Variants in FMN1 observed in about 807,000 individuals in gnomAD.
The protein encoded by FMN1 is formin 1.
FMN1 carries 110 observed loss-of-function variants against 132.4 expected under a neutral mutation model. The observed-to-expected ratio is 0.83, with a 90% CI of 0.71 to 0.97. The LOEUF (loss-of-function observed/expected upper bound fraction) is 0.97, where lower values mean the gene tolerates loss of function less well. Ranked by LOEUF, FMN1 falls within the 50% of genes least tolerant of loss-of-function variation. The pLI is 0.00. For synonymous variants in FMN1, 722 were observed against 651.7 expected, an observed-to-expected ratio of 1.11 and a Z score of -1.64; for missense variants, 1,792 against 1,705.3, an observed-to-expected ratio of 1.05 and a Z score of -0.90.
intron 6 of FMN1, 28 bp from the exon 7 acceptor site, chr15:33,008,103 TA>T (rs1334145665): frequency 6.4e-7 from 1 of 1,554,032 alleles, no homozygotes; most frequent in Non-Finnish European, 8.8e-7. Context: ...AGGCCAATTA[TA>T]AAGAAGTACA....
chr15:33,065,137 T>C (rs2037664651), intron 5 of FMN1, 63 bp from the exon 6 acceptor site: 6 of 1,121,594 alleles, frequency 5.3e-6, no homozygotes, highest in Non-Finnish European at 7.7e-6. Context: ...TCCTGAAAAA[T>C]GACATGCTAA....
intron 9 of FMN1, among the ~76,000 whole-genome samples, chr15:32,955,551 C>T (rs939197820): frequency 1.3e-5 from 2 of 152,140 alleles, no homozygotes; most frequent in Admixed American, 1.3e-4. Context: ...TAGCTCCAAC[C>T]CCGTAACAGA....
At chr15:33,096,522 T>C (rs2039090366) in intron 4 of FMN1, among the ~76,000 whole-genome samples, 1 of 152,062 alleles carries the variant, frequency 6.6e-6, no homozygotes, top group South Asian at 2.1e-4. Context: ...TCTCCCTTCC[T>C]CCACCAGTCA....
chr15:32,949,954 T>C (rs1041288931), intron 9 of FMN1, among the ~76,000 whole-genome samples: 2 of 50,188 alleles, frequency 4.0e-5, no homozygotes, highest in East Asian at 4.3e-4. Flanking sequence ...TATATATATA[T>C]ATATATATAT....
chr15:32,851,241 G>T (rs760411650), intron 17 of FMN1, among the ~76,000 whole-genome samples: 1 of 152,152 alleles, frequency 6.6e-6, no homozygotes, highest in Admixed American at 6.5e-5. Context: ...GCCAAGTGTG[G>T]GAGAGTGCTG....
chr15:33,047,323 T>A (rs1458467015), intron 6 of FMN1, among the ~76,000 whole-genome samples: 1 of 152,226 alleles, frequency 6.6e-6, no homozygotes, highest in East Asian at 1.9e-4. Context: ...GTCATAACCT[T>A]AGTTCAGGCT....
chr15:33,181,808 A>C (rs1965714533), intron 2 of FMN1, among the ~76,000 whole-genome samples: 1 of 150,668 alleles, frequency 6.6e-6, no homozygotes, highest in Non-Finnish European at 1.5e-5. Context: ...TCTCAGGTTA[A>C]AGCGATTCTC....
intron 6 of FMN1, among the ~76,000 whole-genome samples, chr15:33,016,089 T>C (rs2035028289): frequency 6.6e-6 from 1 of 152,172 alleles, no homozygotes; most frequent in Non-Finnish European, 1.5e-5. Flanking sequence ...TTAATAAGGC[T>C]TATTTAAGCA....
At chr15:32,962,040 CACT>C (rs1011270253) in intron 9 of FMN1, among the ~76,000 whole-genome samples, 1 of 152,114 alleles carries the variant, frequency 6.6e-6, no homozygotes, top group African/African-American at 2.4e-5. Context: ...CCTTCCCCTG[CACT>C]ACTATGTGAT....
chr15:33,175,113 C>T (rs1965471136), intron 3 of FMN1, among the ~76,000 whole-genome samples: 3 of 152,048 alleles, frequency 2.0e-5, no homozygotes, highest in Non-Finnish European at 2.9e-5. Context: ...GCAGCCTTGA[C>T]ATCCGAGGCT....
At chr15:32,810,203 C>A (rs900959880) in intron 17 of FMN1, among the ~76,000 whole-genome samples, 8 of 152,212 alleles carry the variant, frequency 5.3e-5, no homozygotes, top group Admixed American at 4.6e-4. Flanking sequence ...AGGCGTGAGC[C>A]ACCGTGCCCA....
chr15:33,055,842 C>T (rs2037192162), intron 6 of FMN1, among the ~76,000 whole-genome samples: 1 of 152,138 alleles, frequency 6.6e-6, no homozygotes, highest in African/African-American at 2.4e-5. Context: ...ACTTGCAACA[C>T]ACTTAACCAA....
intron 16 of FMN1, among the ~76,000 whole-genome samples, chr15:32,885,624 A>T (rs932627528): frequency 1.3e-5 from 2 of 152,188 alleles, no homozygotes; most frequent in South Asian, 4.1e-4. Context: ...GATAATAATG[A>T]CACAATAAGT....
intron 16 of FMN1, among the ~76,000 whole-genome samples, chr15:32,882,179 G>A (rs902831108): frequency 6.6e-6 from 1 of 152,178 alleles, no homozygotes; most frequent in East Asian, 1.9e-4. Flanking sequence ...GCCACAGAAC[G>A]AAGTGGGGCT....
rs1261935876 is a variant in FMN1 at position 33,115,551 on chromosome 15, A to G, written c.1868-26577T>C. Among the ~76,000 whole-genome samples the G allele has an allele frequency of 2.1e-5, 3 of 143,174 alleles. No homozygotes were observed. The South Asian group carries it at 6.5e-4, about 31-fold the overall frequency. 93.9% of individuals were successfully genotyped at this position (143,174 alleles called of 152,430 possible). ...ACTTGCTGTCTTGCCAGCCTCCCTCACATACACCCTCCCCCACCTCTCCTA... is the reference window on the plus strand; with the variant it reads ...ACTTGCTGTCTTGCCAGCCTCCCTCGCATACACCCTCCCCCACCTCTCCTA... On this transcript the variant is annotated intron_variant, in intron 4 of 20. Transcript: ENST00000616417.
At chr15:33,025,874 T>C (rs2035641054) in intron 6 of FMN1, among the ~76,000 whole-genome samples, 1 of 152,096 alleles carries the variant, frequency 6.6e-6, no homozygotes, top group Non-Finnish European at 1.5e-5. Flanking sequence ...ACTTTGAAAG[T>C]AACGGGAAAA....
In FMN1 at chr15:33,154,973, C is replaced by T. The variant is rs1325207780; in HGVS notation, c.-59G>A. ...CCGGTTTGTGGTCAGGCTTCCCAGG[C>T]TCCAGTGGTGAGGCATGTGATGGTG... On this transcript the variant is annotated 5_prime_UTR_variant, in exon 4 of 21. Transcript: ENST00000616417. 7.1e-7 allele frequency: 1 copy of T among 1,403,454 alleles called. No homozygotes were observed. The allele number at this position is 1,403,454 out of a possible 1,614,324, so 86.9% of individuals were successfully genotyped here.
Position 32,767,389 on chromosome 15 carries a change from T to C in FMN1, c.*6921A>G, listed in dbSNP as rs2056083681. On this transcript the variant is annotated 3_prime_UTR_variant, in exon 21 of 21. Transcript: ENST00000616417. Reference sequence around the variant, plus strand: ...TAATTTACATTTCTGCTAGGTCTGATTCATACTAGGATGTTGACTGCCTTC... The same window carrying C: ...TAATTTACATTTCTGCTAGGTCTGACTCATACTAGGATGTTGACTGCCTTC... 6.6e-6 allele frequency: 1 copy of C among 152,188 alleles called. No homozygotes were observed. Among genetic ancestry groups the C allele is most frequent in the Non-Finnish European group, 1.5e-5 (1 of 68,028 alleles). The allele number at this position is 152,188 out of a possible 1,614,324, so 9.4% of individuals were successfully genotyped here.
intron 19 of FMN1, among the ~76,000 whole-genome samples, chr15:32,795,437 C>T (rs779224994): frequency 5.3e-5 from 8 of 152,026 alleles, no homozygotes; most frequent in Admixed American, 1.3e-4. Flanking sequence ...AAATTAGAAC[C>T]GCAGTTTCTA....
Sources: allele counts gnomAD v4.1 joint callset (sites outside exome capture counted in the v4.1 genomes callset), GRCh38; gene constraint gnomAD v4.1.1; transcripts MANE v1.5; gene names NCBI Gene and HGNC (gene_info 2026-07-23, HGNC 2026-07-21).